The following CD33 variants were observed in gnomAD, a reference collection of about 807,000 sequenced individuals.
CD33 encodes the protein CD33 molecule.
Under a neutral mutation model 31.4 loss-of-function variants are expected in CD33, and 25 were observed. That is an observed-to-expected ratio of 0.80 (90% CI 0.58 to 1.11). The LOEUF (loss-of-function observed/expected upper bound fraction) is 1.11, where lower values mean the gene tolerates loss of function less well. CD33 is among the 50% of genes most tolerant of loss of function. CD33 has a pLI of 0.00. For synonymous variants in CD33, 176 were observed against 180.6 expected, an observed-to-expected ratio of 0.97 and a Z score of 0.20; for missense variants, 407 against 448.1, an observed-to-expected ratio of 0.91 and a Z score of 0.83.
rs761397729 is a variant in CD33, at chr19:51,225,302, G to A, written c.122G>A (p.Cys41Tyr). 2.2e-5 allele frequency: 35 copies of A among 1,614,044 alleles called. No homozygotes were observed. Among genetic ancestry groups the A allele is most frequent in the Non-Finnish European group, 3.0e-5 (35 of 1,180,028 alleles). The change falls in exon 2 of 7, where the codon TGC becomes TAC. Residue 41 changes from cysteine to tyrosine, a missense_variant. Cys to Tyr is a radical substitution (Grantham distance 194). Transcript: ENST00000262262. ...GAGGGTTTGTGCGTCCTCGTGCCCT[G>A]CACTTTCTTCCATCCCATACCCTAC... is the stretch of plus-strand genomic sequence containing the variant. The part of the protein sequence containing the change: ...VQEGLCVLVP[C>Y]TFFHPIPYYD...
upstream of CD33, among the ~76,000 whole-genome samples, chr19:51,223,155 G>A (rs570717610): frequency 6.6e-6 from 1 of 152,208 alleles, no homozygotes; most frequent in South Asian, 2.1e-4. Context: ...GGGAGGTCAA[G>A]GCTGCAGTGA....
chr19:51,237,171 A>C (rs1043599902), intron 6 of CD33: 1 of 151,782 alleles, frequency 6.6e-6, no homozygotes, highest in Non-Finnish European at 1.5e-5. Flanking sequence ...TTTTTTTTTA[A>C]TTTATTTAAC....
chr19:51,230,834 A>G (rs1375358151), intron 4 of CD33, among the ~76,000 whole-genome samples: 1 of 152,164 alleles, frequency 6.6e-6, no homozygotes, highest in Non-Finnish European at 1.5e-5. Context: ...GACATAATGT[A>G]AAAGAGTCTT....
At chr19:51,235,086 A>G (rs1981680039) in intron 4 of CD33, 71 bp from the exon 5 acceptor site, 2 of 1,268,724 alleles carry the variant, frequency 1.6e-6, no homozygotes, top group South Asian at 2.4e-5. Context: ...CCCTCTCTAC[A>G]TGCTGGAGAG....
Position 51,225,541 on chromosome 19 carries a change from G to T in CD33, c.361G>T (p.Glu121Ter). The T allele has an allele frequency of 1.3e-6, 2 of 1,594,074 alleles. No homozygotes were observed. The highest frequency in any genetic ancestry group is 1.7e-6 in the Non-Finnish European group (2 of 1,170,032). ...RDNGSYFFRM[E>*]RGSTKYSYKS... The stretch of plus-strand genomic sequence containing the variant: ...TAATGGTTCATACTTCTTTCGGATG[G>T]AGAGAGGAAGTACCAAATACAGTTA... Residue 121 changes from glutamate (E) to a stop codon, truncating the protein, a stop_gained, in exon 2 of 7, where the codon GAG becomes TAG. Coordinates refer to ENST00000262262, the MANE Select transcript of CD33 (RefSeq NM_001772.4). LOFTEE classifies it high-confidence loss of function.
chr19:51,231,385 C>T (rs559862047), intron 4 of CD33, among the ~76,000 whole-genome samples: 9 of 152,372 alleles, frequency 5.9e-5, no homozygotes, highest in East Asian at 1.9e-4. Context: ...GTGGCCCCCA[C>T]GGCCTAGTGT....
chr19:51,228,223 T>G (rs996984970), intron 4 of CD33, among the ~76,000 whole-genome samples: 3 of 152,202 alleles, frequency 2.0e-5, no homozygotes, highest in African/African-American at 7.2e-5. Context: ...CTTTTTTGCT[T>G]GGGATTGCTT....
the CD33 span, chr19:51,211,316 A>G: frequency 7.7e-6 from 12 of 1,563,276 alleles, no homozygotes; most frequent in South Asian, 7.9e-5. Flanking sequence ...CCCATACCCT[A>G]CTACAACAGG....
chr19:51,219,024 A>T, the CD33 span, among the ~76,000 whole-genome samples: 2 of 151,246 alleles, frequency 1.3e-5, no homozygotes, highest in Admixed American at 1.3e-4. Flanking sequence ...TTGTTTCTAT[A>T]TGAATTTTAG....
At chr19:51,227,006 T>G (rs1464137026) in intron 4 of CD33, among the ~76,000 whole-genome samples, 1 of 152,000 alleles carries the variant, frequency 6.6e-6, no homozygotes, top group East Asian at 1.9e-4. Flanking sequence ...TCATTTAACA[T>G]AATGTCCTCT....
upstream of CD33, among the ~76,000 whole-genome samples, chr19:51,224,722 G>C (rs535633213): frequency 6.6e-6 from 1 of 152,230 alleles, no homozygotes; most frequent in East Asian, 1.9e-4. Flanking sequence ...TCTAGGTGAG[G>C]CTGCGACTCG....
At chr19:51,213,461 T>G in the CD33 span, among the ~76,000 whole-genome samples, 2 of 152,224 alleles carry the variant, frequency 1.3e-5, no homozygotes, top group African/African-American at 4.8e-5. Flanking sequence ...GGGTTTGGGT[T>G]GCAATTTCTC....
At chr19:51,236,336 C>A in intron 6 of CD33, 1 of 181,064 alleles carries the variant, frequency 5.5e-6, no homozygotes, top group Non-Finnish European at 1.2e-5. Flanking sequence ...GGTAAGCAAG[C>A]TAGGCAGGTT....
At chr19:51,230,232 T>C (rs1981309754) in intron 4 of CD33, among the ~76,000 whole-genome samples, 1 of 20,876 alleles carries the variant, frequency 4.8e-5, no homozygotes, top group South Asian at 2.7e-3. Context: ...AATAAGATAC[T>C]TGATACATTT....
intron 2 of CD33, 95 bp from the exon 3 acceptor site, chr19:51,225,708 G>A (rs1980956059): frequency 1.9e-6 from 3 of 1,540,574 alleles, no homozygotes; most frequent in South Asian, 1.2e-5. Flanking sequence ...AGCCTGTCGT[G>A]CTTAGCGGGG....
intron 3 of CD33, 27 bp from the exon 4 acceptor site, chr19:51,226,282 G>A (rs1267349992): frequency 6.2e-7 from 1 of 1,610,208 alleles, no homozygotes. Flanking sequence ...ACCCCCAACT[G>A]AAGGAAATCC....
rs1427538478 is a variant in CD33, at chr19:51,225,294, C to T, written c.114C>T (p.Leu38=). Residue 38 remains leucine (L), a synonymous_variant, in exon 2 of 7, where the codon CTC becomes CTT. Coordinates refer to ENST00000262262, the MANE Select transcript of CD33 (RefSeq NM_001772.4). ...SVTVQEGLCV[L]VPCTFFHPIP... The stretch of plus-strand genomic sequence containing the variant: ...CGGTACAGGAGGGTTTGTGCGTCCT[C>T]GTGCCCTGCACTTTCTTCCATCCCA... The T allele has an allele frequency of 1.9e-5, 31 of 1,614,030 alleles. No homozygotes were observed. Among genetic ancestry groups the T allele is most frequent in the African/African-American group, 6.7e-5 (5 of 74,918 alleles).
At chr19:51,223,471 C>T (rs1980787279), upstream of CD33, among the ~76,000 whole-genome samples, 2 of 152,256 alleles carry the variant, frequency 1.3e-5, no homozygotes, top group East Asian at 1.9e-4. Flanking sequence ...GCATACTACA[C>T]AGAGTGATAT....
chr19:51,231,878 C>T (rs2123260848), intron 4 of CD33, among the ~76,000 whole-genome samples: 1 of 152,220 alleles, frequency 6.6e-6, no homozygotes, highest in East Asian at 1.9e-4. Flanking sequence ...CCTGCCTTAA[C>T]CTCCCAAGTA....
Sources: gnomAD v4.1 joint callset for allele counts (sites outside exome capture counted in the v4.1 genomes callset) on GRCh38, gnomAD v4.1.1 for gene constraint, MANE v1.5 for transcripts, NCBI Gene and HGNC (gene_info 2026-07-23, HGNC 2026-07-21) for gene names.